Variants in EPB41L3 observed in about 807,000 individuals in gnomAD.
The protein encoded by EPB41L3 is erythrocyte membrane protein band 4.1 like 3, also known as band 4.1-like protein 3.
EPB41L3 carries 57 observed loss-of-function variants against 127.1 expected under a neutral mutation model. The observed-to-expected ratio is 0.45, with a 90% CI of 0.36 to 0.56. EPB41L3 has a LOEUF of 0.56. EPB41L3 is among the 20% of genes least tolerant of loss of function. EPB41L3 has a pLI of 0.00. For synonymous variants in EPB41L3, 572 were observed against 549.5 expected (o/e 1.04, Z -0.57); for missense variants, 1,273 against 1,372.2 (o/e 0.93, Z 1.14).
At chr18:5,628,229 C>G (rs1265437931) in intron 1 of EPB41L3, among the ~76,000 whole-genome samples, 3 of 152,260 alleles carry the variant, frequency 2.0e-5, no homozygotes, top group Non-Finnish European at 2.9e-5. Context: ...GGGTTAGAAT[C>G]TGTTTCTAAT....
intron 1 of EPB41L3, among the ~76,000 whole-genome samples, chr18:5,536,281 C>T (rs1249672929): frequency 1.3e-5 from 2 of 151,026 alleles, no homozygotes; most frequent in Non-Finnish European, 2.9e-5. Context: ...CACAAGCCTC[C>T]TGATGTGTAT....
upstream of EPB41L3, among the ~76,000 whole-genome samples, chr18:5,629,804 C>A (rs942921745): frequency 6.6e-6 from 1 of 152,188 alleles, no homozygotes; most frequent in African/African-American, 2.4e-5. Flanking sequence ...GACCGGGGAG[C>A]CAGACCCCAG....
At chr18:5,607,308 G>C (rs900904147) in intron 3 of EPB41L3, among the ~76,000 whole-genome samples, 3 of 152,210 alleles carry the variant, frequency 2.0e-5, no homozygotes, top group African/African-American at 4.8e-5. Flanking sequence ...GGAAAGATAT[G>C]ATGAGGATCT....
At chr18:5,537,196 T>C (rs572128017) in intron 1 of EPB41L3, among the ~76,000 whole-genome samples, 10 of 152,356 alleles carry the variant, frequency 6.6e-5, no homozygotes, top group African/African-American at 2.4e-4. Flanking sequence ...AGGTAGATAA[T>C]GACATTGCCT....
intron 1 of EPB41L3, among the ~76,000 whole-genome samples, chr18:5,527,208 A>G (rs1211379909): frequency 6.6e-6 from 1 of 152,154 alleles, no homozygotes; most frequent in Non-Finnish European, 1.5e-5. Flanking sequence ...CATCACCCTG[A>G]GCAGCATGAC....
intron 3 of EPB41L3, among the ~76,000 whole-genome samples, chr18:5,601,746 A>G (rs559760628): frequency 6.6e-6 from 1 of 152,320 alleles, no homozygotes; most frequent in Non-Finnish European, 1.5e-5. Flanking sequence ...CATCTGTTAC[A>G]CTAAAATGAT....
chr18:5,461,506 T>C (rs2084000307), intron 3 of EPB41L3, among the ~76,000 whole-genome samples: 1 of 152,192 alleles, frequency 6.6e-6, no homozygotes. Flanking sequence ...AACAGATACA[T>C]TCTTATACAA....
chr18:5,419,524 T>G (rs1198231581), intron 12 of EPB41L3, among the ~76,000 whole-genome samples, 187 bp downstream of exon 12: 3 of 152,220 alleles, frequency 2.0e-5, no homozygotes, highest in Non-Finnish European at 4.4e-5. Context: ...CAAAGAGCTA[T>G]GAATGAACCT....
chr18:5,630,623 C>T, upstream of EPB41L3: 2 of 458,900 alleles, frequency 4.4e-6, no homozygotes, highest in South Asian at 1.6e-5. Context: ...GCGGTGGCGG[C>T]ACCTCCAAGT....
At chr18:5,450,641 TAAA>T (rs77142688) in intron 3 of EPB41L3, among the ~76,000 whole-genome samples, 3 of 149,304 alleles carry the variant, frequency 2.0e-5, no homozygotes, top group Non-Finnish European at 4.5e-5. Context: ...AAAAGGTTAG[TAAA>T]AAAAAAAGTT....
intron 1 of EPB41L3, among the ~76,000 whole-genome samples, chr18:5,491,588 T>C (rs1386380684): frequency 2.0e-5 from 3 of 152,160 alleles, no homozygotes; most frequent in African/African-American, 7.2e-5. Context: ...TTACCATCTA[T>C]GACTGTACCA....
chr18:5,398,806 T>C, intron 16 of EPB41L3: 1 of 399,388 alleles, frequency 2.5e-6, no homozygotes, highest in Non-Finnish European at 4.4e-6. Flanking sequence ...TCTGTTTTGC[T>C]GAAGCGTCTG....
intron 3 of EPB41L3, chr18:5,567,334 C>A (rs1385043813): frequency 6.6e-6 from 1 of 152,196 alleles, no homozygotes; most frequent in Non-Finnish European, 1.5e-5. Flanking sequence ...TTCGAGAAAA[C>A]AATTTTTTTC....
chr18:5,437,984 A>G, intron 6 of EPB41L3, 51 bp downstream of exon 6: 1 of 1,551,764 alleles, frequency 6.4e-7, no homozygotes, highest in South Asian at 1.1e-5. Context: ...ATTTAAGAGA[A>G]GCACAACTCT....
At chr18:5,518,156 C>T (rs2092826238) in intron 1 of EPB41L3, among the ~76,000 whole-genome samples, 1 of 152,094 alleles carries the variant, frequency 6.6e-6, no homozygotes, top group South Asian at 2.1e-4. Flanking sequence ...CATCAGGCCC[C>T]CTCAGGGAGA....
At chr18:5,396,908 G>T (rs2073611117) in intron 18 of EPB41L3, 150 bp downstream of exon 18, 2 of 792,808 alleles carry the variant, frequency 2.5e-6, no homozygotes, top group Non-Finnish European at 4.0e-6. Context: ...ACTCCTACTA[G>T]GTATGAAAGA....
chr18:5,555,548 C>G (rs192794324), intron 3 of EPB41L3, among the ~76,000 whole-genome samples: 1 of 152,230 alleles, frequency 6.6e-6, no homozygotes, highest in Non-Finnish European at 1.5e-5. Flanking sequence ...CCCAGTCATG[C>G]AAATTAGAAA....
intron 5 of EPB41L3, among the ~76,000 whole-genome samples, chr18:5,440,359 A>G (rs180947990): frequency 6.6e-6 from 1 of 152,214 alleles, no homozygotes; most frequent in Non-Finnish European, 1.5e-5. Context: ...CCCAATAAAG[A>G]AAAAAAAGTC....
intron 3 of EPB41L3, among the ~76,000 whole-genome samples, chr18:5,566,723 C>CATTCCATTCT (rs2094203774): frequency 1.4e-4 from 16 of 112,418 alleles, no homozygotes; most frequent in African/African-American, 2.8e-4. Context: ...TTTTCTATTC[C>CATTCCATTCT]ATTCTATTCT....
Sources: gnomAD v4.1 joint callset for allele counts (sites outside exome capture counted in the v4.1 genomes callset) on GRCh38, gnomAD v4.1.1 for gene constraint, MANE v1.5 for transcripts, NCBI Gene and HGNC (gene_info 2026-07-23, HGNC 2026-07-21) for gene names.